Variants in OOSP4B observed in about 807,000 individuals in gnomAD.
The protein encoded by OOSP4B is oocyte-secreted protein 4B.
exon 5 of OOSP4B, chr11:60,030,822 A>G (rs1854799870): frequency 1.3e-5 from 5 of 398,244 alleles, no homozygotes; most frequent in Non-Finnish European, 2.2e-5. Flanking sequence ...CCAAGAAGTC[A>G]CTGTATCAAT....
chr11:60,018,994 A>C (rs1590590656), intron 1 of OOSP4B, among the ~76,000 whole-genome samples: 1 of 152,174 alleles, frequency 6.6e-6, no homozygotes, highest in East Asian at 1.9e-4. Context: ...AGGCAGGCAG[A>C]TCACATGAGG....
intron 3 of OOSP4B, among the ~76,000 whole-genome samples, chr11:60,028,428 A>G (rs1854768432): frequency 6.6e-6 from 1 of 152,226 alleles, no homozygotes; most frequent in East Asian, 1.9e-4. Flanking sequence ...GGCCTCCCAA[A>G]GTGGTAGGAT....
chr11:60,027,782 A>C (rs1320843221), intron 3 of OOSP4B, among the ~76,000 whole-genome samples: 1 of 151,668 alleles, frequency 6.6e-6, no homozygotes, highest in African/African-American at 2.4e-5. Context: ...TCTACTAAAA[A>C]TACAAAAATT....
exon 5 of OOSP4B, chr11:60,030,925 G>T (rs907213914): frequency 5.0e-6 from 2 of 397,442 alleles, no homozygotes; most frequent in Non-Finnish European, 8.9e-6. Context: ...CTGTTGATGT[G>T]TCTGTACAAA....
chr11:60,023,583 C>T (rs1968558), intron 1 of OOSP4B, among the ~76,000 whole-genome samples: 30,222 of 151,892 alleles, frequency 0.2, 3,596 homozygotes, highest in Admixed American at 0.37. Flanking sequence ...TACAGGGGCA[C>T]GCCACCATGC....
exon 5 of OOSP4B, chr11:60,030,905 T>G: frequency 2.5e-6 from 1 of 398,024 alleles, no homozygotes; most frequent in Non-Finnish European, 4.4e-6. Flanking sequence ...GAAAACCAGT[T>G]TCATCAATAC....
At chr11:60,019,817 T>C (rs1854669284) in intron 1 of OOSP4B, among the ~76,000 whole-genome samples, 1 of 152,242 alleles carries the variant, frequency 6.6e-6, no homozygotes, top group Admixed American at 6.5e-5. Context: ...TCAGGCAGCC[T>C]GCTTTTATTC....
At chr11:60,020,741 C>G (rs1009027792) in intron 1 of OOSP4B, among the ~76,000 whole-genome samples, 1 of 152,210 alleles carries the variant, frequency 6.6e-6, no homozygotes, top group Non-Finnish European at 1.5e-5. Flanking sequence ...GGAGAGCGAG[C>G]GAGGGCTGTG....
chr11:60,019,790 G>C (rs1017457675), intron 1 of OOSP4B, among the ~76,000 whole-genome samples: 2 of 152,212 alleles, frequency 1.3e-5, no homozygotes, highest in Non-Finnish European at 2.9e-5. Context: ...GACCCCCAAC[G>C]GGTTGCCAGT....
At chr11:60,020,766 G>A (rs1418873095) in intron 1 of OOSP4B, among the ~76,000 whole-genome samples, 2 of 152,244 alleles carry the variant, frequency 1.3e-5, no homozygotes, top group Admixed American at 6.5e-5. Flanking sequence ...CTGCCAGCAC[G>A]CTGTCACCTC....
At chr11:60,018,495 T>C (rs1370735169) in intron 1 of OOSP4B, among the ~76,000 whole-genome samples, 1 of 152,206 alleles carries the variant, frequency 6.6e-6, no homozygotes, top group African/African-American at 2.4e-5. Flanking sequence ...TTATTTTAGC[T>C]TAGAAGCACT....
chr11:60,030,766 AGC>A (rs1307622892), intron 4 of OOSP4B, 34 bp from the exon 5 acceptor site: 7 of 398,094 alleles, frequency 1.8e-5, no homozygotes, highest in African/African-American at 1.4e-4. Context: ...GTTATATTTA[AGC>A]AGCTCTTAAC....
chr11:60,023,911 G>A (rs1334108624), exon 2 of OOSP4B: 2 of 398,408 alleles, frequency 5.0e-6, no homozygotes, highest in Non-Finnish European at 8.8e-6. Context: ...ATGATTGGTT[G>A]TTAGTCAGAA....
At chr11:60,028,762 CT>C (rs971109332) in intron 3 of OOSP4B, among the ~76,000 whole-genome samples, 1 of 152,150 alleles carries the variant, frequency 6.6e-6, no homozygotes, top group East Asian at 1.9e-4. Flanking sequence ...GAAAATATCT[CT>C]TTGCTGAAAT....
intron 3 of OOSP4B, among the ~76,000 whole-genome samples, chr11:60,029,470 G>T (rs894929816): frequency 1.3e-5 from 2 of 152,082 alleles, no homozygotes; most frequent in African/African-American, 4.8e-5. Context: ...GCCTGGCTTG[G>T]TTGAGTCATA....
chr11:60,021,242 T>C (rs987432737), intron 1 of OOSP4B, among the ~76,000 whole-genome samples: 2 of 152,222 alleles, frequency 1.3e-5, no homozygotes, highest in African/African-American at 4.8e-5. Context: ...AGGTTAGAGA[T>C]GAGATCTGGA....
chr11:60,018,165 T>C (rs1453200317), intron 1 of OOSP4B, among the ~76,000 whole-genome samples: 4 of 152,226 alleles, frequency 2.6e-5, no homozygotes, highest in Non-Finnish European at 5.9e-5. Context: ...GCCAGAGTGA[T>C]GTCGGCTGCG....
chr11:60,028,999 A>G (rs1590595492), intron 3 of OOSP4B, among the ~76,000 whole-genome samples: 2 of 147,040 alleles, frequency 1.4e-5, no homozygotes, highest in Non-Finnish European at 3.0e-5. Context: ...TCAAAAAAAA[A>G]TGGTTTCAAT....
chr11:60,020,274 G>A lies in OOSP4B; in HGVS notation c.22+2861G>A, dbSNP rs540615549. On this transcript the variant is annotated intron_variant, in intron 1 of 4. Coordinates refer to ENST00000642343, the Ensembl canonical transcript of OOSP4B. ...GTGTGCCCGCACTCCTCAGCCCTTGGATGGTGGATGGGACTGGGCACCCTG... is the reference window on the plus strand; with the variant it reads ...GTGTGCCCGCACTCCTCAGCCCTTGAATGGTGGATGGGACTGGGCACCCTG... 4.5e-4 allele frequency among the ~76,000 whole-genome samples: 69 copies of A among 152,302 alleles called. 2 individuals carry two copies. The South Asian group carries it at 0.014, about 31-fold the overall frequency.
Sources: allele counts gnomAD v4.1 joint callset (sites outside exome capture counted in the v4.1 genomes callset), GRCh38; gene constraint gnomAD v4.1.1; transcripts MANE v1.5; gene names NCBI Gene and HGNC (gene_info 2026-07-23, HGNC 2026-07-21).